The following KCNAB1 variants were observed in gnomAD, a reference collection of about 807,000 sequenced individuals.
KCNAB1 encodes voltage-gated potassium channel subunit beta-1.
KCNAB1 carries 35 observed loss-of-function variants against 64.6 expected under a neutral mutation model. The ratio of observed to expected loss-of-function variants is 0.54; its 90% CI spans 0.41 to 0.72. The LOEUF is 0.72. Among genes scored for constraint, KCNAB1 ranks in the 30% least tolerant of loss-of-function variants. The pLI is 0.00. For synonymous variants in KCNAB1, 177 were observed against 183.8 expected, an observed-to-expected ratio of 0.96 and a Z score of 0.30; for missense variants, 401 against 512.9, an observed-to-expected ratio of 0.78 and a Z score of 2.11.
intron 7 of KCNAB1, among the ~76,000 whole-genome samples, chr3:156,470,480 AC>A (rs1287544641): frequency 6.6e-6 from 1 of 152,198 alleles, no homozygotes; most frequent in Non-Finnish European, 1.5e-5. Context: ...TCATAGTGAG[AC>A]CCTTGTCTCT....
intron 1 of KCNAB1, among the ~76,000 whole-genome samples, chr3:156,282,064 TC>T (rs1450590136): frequency 6.6e-6 from 1 of 150,972 alleles, no homozygotes; most frequent in Admixed American, 6.6e-5. Flanking sequence ...TGTTAGGGTA[TC>T]AATTTTGGAT....
chr3:156,186,242 A>G (rs1713182812), intron 1 of KCNAB1, among the ~76,000 whole-genome samples: 1 of 152,168 alleles, frequency 6.6e-6, no homozygotes, highest in Non-Finnish European at 1.5e-5. Flanking sequence ...CCATGACTCC[A>G]ATCTGAAGAA....
rs544884110 is a variant in KCNAB1 at position 156,349,182 on chromosome 3, G to A, written c.276-72434G>A. Among the ~76,000 whole-genome samples the A allele has an allele frequency of 7.9e-5, 12 of 152,230 alleles. No individual in the cohort carries two copies. In the South Asian group the frequency reaches 2.3e-3, roughly 29 times the overall value. On this transcript the variant is annotated intron_variant, in intron 1 of 13. Coordinates refer to ENST00000490337, the MANE Select transcript of KCNAB1 (RefSeq NM_172160.3). ...TAACAGAAATGATAATCAGTCTAGA[G>A]GAACCACTTAATTTGTCCTTCTGAG...
intron 1 of KCNAB1, among the ~76,000 whole-genome samples, chr3:156,233,618 G>A (rs1374058255): frequency 6.6e-6 from 1 of 152,196 alleles, no homozygotes; most frequent in Non-Finnish European, 1.5e-5. Flanking sequence ...AGGTTTGGAT[G>A]AGGACCAGCA....
intron 12 of KCNAB1, among the ~76,000 whole-genome samples, chr3:156,525,712 C>T (rs955760703): frequency 1.3e-5 from 2 of 152,182 alleles, no homozygotes; most frequent in South Asian, 2.1e-4. Flanking sequence ...GAAGGGGTTT[C>T]ACCATGTTGG....
At chr3:156,288,452 G>T (rs1400351700) in intron 1 of KCNAB1, among the ~76,000 whole-genome samples, 1 of 152,200 alleles carries the variant, frequency 6.6e-6, no homozygotes. Context: ...ATCTTATGAT[G>T]TGACAATGAA....
At chr3:156,394,662 G>A (rs1287541265) in intron 1 of KCNAB1, among the ~76,000 whole-genome samples, 5 of 152,196 alleles carry the variant, frequency 3.3e-5, no homozygotes, top group Admixed American at 2.0e-4. Context: ...TATAGATGAC[G>A]TTAAGCTGTT....
At chr3:156,519,543 T>C (rs1299547374) in intron 11 of KCNAB1, among the ~76,000 whole-genome samples, 1 of 152,194 alleles carries the variant, frequency 6.6e-6, no homozygotes, top group Non-Finnish European at 1.5e-5. Flanking sequence ...TCTCTATTAT[T>C]CCACGAACAC....
intron 2 of KCNAB1, among the ~76,000 whole-genome samples, chr3:156,444,038 A>G (rs1351053707): frequency 6.6e-6 from 1 of 152,374 alleles, no homozygotes; most frequent in East Asian, 1.9e-4. Flanking sequence ...AACTCTGGCC[A>G]GATGCTCATT....
chr3:156,420,846 T>G (rs1715417334), intron 1 of KCNAB1, among the ~76,000 whole-genome samples: 1 of 152,112 alleles, frequency 6.6e-6, no homozygotes, highest in Non-Finnish European at 1.5e-5. Context: ...CTATCCTTGT[T>G]TAGAAAGCAA....
intron 1 of KCNAB1, among the ~76,000 whole-genome samples, chr3:156,201,298 TAATA>T (rs1251177431): frequency 1.3e-5 from 2 of 152,218 alleles, no homozygotes; most frequent in African/African-American, 2.4e-5. Context: ...AATTTTTTAT[TAATA>T]AATATAATTT....
At chr3:156,219,698 A>T (rs569528637) in intron 1 of KCNAB1, among the ~76,000 whole-genome samples, 155 of 16,984 alleles carry the variant, frequency 9.1e-3, no homozygotes, top group African/African-American at 0.057. Context: ...GAATCTTTTT[A>T]TTATTATTAT....
intron 1 of KCNAB1, among the ~76,000 whole-genome samples, chr3:156,286,880 C>T (rs1474756715): frequency 6.6e-6 from 1 of 152,132 alleles, no homozygotes; most frequent in African/African-American, 2.4e-5. Flanking sequence ...TGTAGTGTGC[C>T]TGTGTCACTT....
intron 2 of KCNAB1, among the ~76,000 whole-genome samples, chr3:156,428,743 A>G (rs1716008765): frequency 1.3e-5 from 2 of 152,190 alleles, no homozygotes; most frequent in Non-Finnish European, 2.9e-5. Flanking sequence ...AAATACCGTC[A>G]TCCAAATGGA....
At chr3:156,336,478 G>A (rs1046433291) in intron 1 of KCNAB1, among the ~76,000 whole-genome samples, 10 of 152,214 alleles carry the variant, frequency 6.6e-5, no homozygotes, top group African/African-American at 2.2e-4. Context: ...GCTAATCTAC[G>A]GCCATAACTC....
intron 2 of KCNAB1, among the ~76,000 whole-genome samples, chr3:156,443,739 TACACACAC>T (rs71141708): frequency 0.023 from 3,245 of 141,820 alleles, 108 homozygotes; most frequent in African/African-American, 0.073. Context: ...ATTTAGTCCT[TACACACAC>T]ACACACACAC....
At chr3:156,480,400 G>A (rs925752415) in intron 8 of KCNAB1, among the ~76,000 whole-genome samples, 2 of 152,040 alleles carry the variant, frequency 1.3e-5, no homozygotes, top group African/African-American at 2.4e-5. Flanking sequence ...CAAGGGGAGA[G>A]AGAGCATTAG....
chr3:156,178,379 A>G (rs1309613513), intron 1 of KCNAB1, among the ~76,000 whole-genome samples: 2 of 152,238 alleles, frequency 1.3e-5, no homozygotes, highest in African/African-American at 4.8e-5. Context: ...TTTACTCCAG[A>G]AATCTCCACA....
In KCNAB1 at chr3:156,470,630, C is replaced by T. The variant is rs76869865; in HGVS notation, c.572-4104C>T. Among the ~76,000 whole-genome samples the T allele has an allele frequency of 7.5e-3, 1,138 of 152,278 alleles. 9 individuals are homozygous for T. Among genetic ancestry groups the T allele is most frequent in the African/African-American group, 0.025 (1,023 of 41,558 alleles). On this transcript the variant is annotated intron_variant, in intron 7 of 13. Coordinates refer to ENST00000490337, the MANE Select transcript of KCNAB1 (RefSeq NM_172160.3). ...TATTCCAACAGCCAAAAGCTGTGTC[C>T]GACTCTACATTTGCCTTTCAGGTAA...
Sources: allele counts gnomAD v4.1 joint callset (sites outside exome capture counted in the v4.1 genomes callset), GRCh38; gene constraint gnomAD v4.1.1; transcripts MANE v1.5; gene names NCBI Gene and HGNC (gene_info 2026-07-23, HGNC 2026-07-21).